PALM2AKAP2: variants seen among roughly 807,000 people sequenced by gnomAD.
PALM2AKAP2 encodes the protein PALM2 and AKAP2 fusion.
In PALM2AKAP2, 37 loss-of-function variants were observed where a neutral mutation model predicts 71.5. The ratio of observed to expected loss-of-function variants is 0.52; its 90% CI spans 0.40 to 0.68. The LOEUF (loss-of-function observed/expected upper bound fraction) is 0.68. PALM2AKAP2 is among the 30% of genes least tolerant of loss of function. The pLI, the probability that PALM2AKAP2 is intolerant of heterozygous loss-of-function variation, is 0.00. For missense variants in PALM2AKAP2, 1,224 were observed against 1,191.8 expected (o/e 1.03, Z -0.40); for synonymous variants, 468 against 478.8 (o/e 0.98, Z 0.29).
intron 1 of PALM2AKAP2, among the ~76,000 whole-genome samples, chr9:109,836,728 G>A (rs975612460): frequency 1.3e-4 from 20 of 152,230 alleles, no homozygotes; most frequent in South Asian, 2.1e-4. Context: ...ACTACGTGGC[G>A]AATGCCCAAG....
intron 1 of PALM2AKAP2, among the ~76,000 whole-genome samples, chr9:109,703,407 A>G (rs556976640): frequency 3.2e-4 from 49 of 152,306 alleles, no homozygotes; most frequent in Non-Finnish European, 5.3e-4. Context: ...TCATTCATTC[A>G]AAATATATTT....
At chr9:110,055,350 T>A (rs904500660) in intron 1 of PALM2AKAP2, among the ~76,000 whole-genome samples, 1 of 152,054 alleles carries the variant, frequency 6.6e-6, no homozygotes, top group Non-Finnish European at 1.5e-5. Context: ...CGTGTGCCAC[T>A]GTGCCCGGCT....
At chr9:110,039,110 A>G (rs1344628299) in intron 7 of PALM2AKAP2, among the ~76,000 whole-genome samples, 1 of 151,942 alleles carries the variant, frequency 6.6e-6, no homozygotes, top group Non-Finnish European at 1.5e-5. Flanking sequence ...TTAGCCAGGC[A>G]TGCTGGCACA....
rs1263486615 is a variant in PALM2AKAP2, at chr9:110,015,857, TACAAGTC to T, written c.497-93_497-87del. 3.4e-6 allele frequency: 4 copies of T among 1,163,636 alleles called. No homozygotes were observed. The African/African-American group carries it at 6.1e-5, about 18-fold the overall frequency. The allele number at this position is 1,163,636 out of a possible 1,614,324, so 72.1% of individuals were successfully genotyped here. The stretch of plus-strand genomic sequence containing the variant: ...GCTATAGGTCATCATCAGCTCCCTT[TACAAGTC>T]ACATGGGATTGTAATCTGAGCAATA... On this transcript the variant is annotated intron_variant, in intron 6 of 9. Coordinates refer to the PALM2AKAP2 transcript ENST00000302798.
chr9:110,140,148 G>A (rs1294877931), intron 2 of PALM2AKAP2, among the ~76,000 whole-genome samples: 7 of 152,066 alleles, frequency 4.6e-5, no homozygotes, highest in African/African-American at 7.3e-5. Context: ...TATTTATGTC[G>A]GTATGATCTC....
At position 110,006,320 on chromosome 9, in the gene PALM2AKAP2, C is replaced by CTATCTTTCTTTCTTTCTTTCTTTCTTT. The variant is rs1238150373; in HGVS notation, c.497-9634_497-9633insTATCTTTCTTTCTTTCTTTCTTTCTTT. Among the ~76,000 whole-genome samples the CTATCTTTCTTTCTTTCTTTCTTTCTTT allele has an allele frequency of 2.9e-4, 24 of 82,636 alleles. 1 individual carries two copies. Among genetic ancestry groups the CTATCTTTCTTTCTTTCTTTCTTTCTTT allele is most frequent in the African/African-American group, 1.1e-3 (24 of 22,286 alleles). The allele number at this position is 82,636 out of a possible 152,430, so 54.2% of individuals were successfully genotyped here. A position where few individuals can be genotyped will look rare whatever the true frequency, so the allele number is the denominator to read the frequency against. ...TTCCTTTCCCTCCCTTTCCTTCCTT[C>CTATCTTTCTTTCTTTCTTTCTTTCTTT]CTTCTCTTTCTTTCTTTCTTTCTTT... On this transcript the variant is annotated intron_variant, in intron 6 of 9. Transcript: ENST00000302798.
rs900576992 is a variant in PALM2AKAP2, at chr9:109,762,311, A to C, written c.6-18177A>C. ...TCTCCAAAATGGCTCCTCTTTTGGC[A>C]ATAAACTTTGATCAGTGGAAGACTA... On this transcript the variant is annotated intron_variant, in intron 1 of 6. Coordinates refer to the PALM2AKAP2 transcript ENST00000374531. Among the ~76,000 whole-genome samples, 3 of 151,738 alleles carry C rather than the reference A, an allele frequency of 2.0e-5. No individual in the cohort carries two copies. The East Asian group carries it at 6.0e-4, about 30-fold the overall frequency.
intron 6 of PALM2AKAP2, among the ~76,000 whole-genome samples, chr9:109,967,022 A>G (rs993170275): frequency 1.3e-5 from 2 of 152,228 alleles, no homozygotes; most frequent in Admixed American, 6.5e-5. Flanking sequence ...TTTATGTTCT[A>G]TGCTGTTGTT....
At chr9:110,112,082 G>C (rs981403952) in intron 1 of PALM2AKAP2, among the ~76,000 whole-genome samples, 2 of 151,962 alleles carry the variant, frequency 1.3e-5, no homozygotes, top group Non-Finnish European at 2.9e-5. Context: ...ATTATCTAGA[G>C]AATTCCAACC....
chr9:109,984,099 G>T (rs1832328064), intron 6 of PALM2AKAP2, among the ~76,000 whole-genome samples: 2 of 151,980 alleles, frequency 1.3e-5, no homozygotes, highest in South Asian at 4.2e-4. Flanking sequence ...CTTCAGTCTT[G>T]ACCACTTTTT....
chr9:109,778,476 T>C (rs992702012), upstream of PALM2AKAP2, among the ~76,000 whole-genome samples: 2 of 152,200 alleles, frequency 1.3e-5, no homozygotes, highest in Non-Finnish European at 2.9e-5. Flanking sequence ...AGGATGCATT[T>C]GAAGAAAAGG....
intron 1 of PALM2AKAP2, chr9:109,760,320 G>A (rs1433793126): frequency 6.6e-6 from 1 of 152,060 alleles, no homozygotes; most frequent in African/African-American, 2.4e-5. Context: ...GAAAAGGGAG[G>A]GAGAACAGAA....
chr9:109,997,971 G>T (rs1305420666), intron 6 of PALM2AKAP2, among the ~76,000 whole-genome samples: 1 of 152,212 alleles, frequency 6.6e-6, no homozygotes, highest in Non-Finnish European at 1.5e-5. Flanking sequence ...ACCCTGCTGA[G>T]AAATCCTCCA....
intron 2 of PALM2AKAP2, among the ~76,000 whole-genome samples, chr9:109,871,930 G>A (rs16914570): frequency 0.17 from 26,045 of 152,044 alleles, 3,412 homozygotes; most frequent in African/African-American, 0.37. Context: ...TACAGACGAG[G>A]TATGCAGTAG....
chr9:109,719,450 G>T (rs1828373971), intron 1 of PALM2AKAP2, among the ~76,000 whole-genome samples: 1 of 152,116 alleles, frequency 6.6e-6, no homozygotes, highest in Admixed American at 6.5e-5. Context: ...ATAAAGAAGT[G>T]GCTCAAGATT....
intron 3 of PALM2AKAP2, among the ~76,000 whole-genome samples, chr9:109,918,755 G>C (rs1830751662): frequency 6.6e-6 from 1 of 152,234 alleles, no homozygotes; most frequent in Non-Finnish European, 1.5e-5. Context: ...CACACCCTCA[G>C]AGCCTGGCCC....
At chr9:109,718,005 G>A (rs1361647709) in intron 1 of PALM2AKAP2, among the ~76,000 whole-genome samples, 1 of 152,118 alleles carries the variant, frequency 6.6e-6, no homozygotes, top group Non-Finnish European at 1.5e-5. Context: ...CACTTATGTA[G>A]GCCTTTTTGA....
At chr9:109,669,618 T>G (rs1465243707) in intron 1 of PALM2AKAP2, among the ~76,000 whole-genome samples, 1 of 152,114 alleles carries the variant, frequency 6.6e-6, no homozygotes, top group Non-Finnish European at 1.5e-5. Context: ...ATTCAATTTA[T>G]TTAATAGATA....
chr9:110,071,934 A>C (rs904081734), intron 1 of PALM2AKAP2, among the ~76,000 whole-genome samples: 1 of 152,068 alleles, frequency 6.6e-6, no homozygotes, highest in Non-Finnish European at 1.5e-5. Context: ...GCTATCTGTG[A>C]TTTTCTCACC....
Sources: gnomAD v4.1 joint callset for allele counts (sites outside exome capture counted in the v4.1 genomes callset) on GRCh38, gnomAD v4.1.1 for gene constraint, MANE v1.5 for transcripts, NCBI Gene and HGNC (gene_info 2026-07-23, HGNC 2026-07-21) for gene names.